Variants in CCDC120 observed in about 807,000 individuals in gnomAD.
The protein encoded by CCDC120 is coiled-coil domain-containing protein 120.
A neutral mutation model predicts 37.6 loss-of-function variants in CCDC120; 16 were observed. The ratio of observed to expected loss-of-function variants is 0.43; its 90% confidence interval spans 0.29 to 0.65. The LOEUF is 0.65. Among genes scored for constraint, CCDC120 ranks in the 30% least tolerant of loss-of-function variants. The pLI is 0.18. For missense variants in CCDC120, 650 were observed against 657.4 expected, an observed-to-expected ratio of 0.99 and a Z score of 0.12; for synonymous variants, 309 against 275.4, an observed-to-expected ratio of 1.12 and a Z score of -1.21.
rs1557081983 is a variant in CCDC120, at chrX:49,067,870, C to G, written c.1756C>G (p.His586Asp). 8.5e-7 allele frequency: 1 copy of G among 1,170,134 alleles called. No homozygotes were observed. The highest frequency in any genetic ancestry group is 3.2e-5 in the East Asian group (1 of 31,115). The change falls in exon 10 of 11, where the codon CAC becomes GAC. Residue 586 changes from histidine to aspartate, a missense_variant. His to Asp is a moderately conservative substitution (Grantham distance 81, BLOSUM62 -1). This residue lies in a region of CCDC120 where 576 missense variants were observed against 565.3 expected (regional missense o/e 1.02). Transcript: ENST00000603986. ...CCCCTCGGCTGGTGAACGCAGTGGC[C>G]ACAAGAACCTGGCTCTGGAGGGGCT... ...RIPSAGERSG[H>D]KNLALEGLRD...
chrX:49,057,664 T>C (rs1331475887), upstream of CCDC120, among the ~76,000 whole-genome samples: 7 of 112,576 alleles, frequency 6.2e-5, no homozygotes, highest in Non-Finnish European at 1.3e-4. Context: ...TCTGGGGCAT[T>C]GCTGATTCAG....
chrX:49,064,649 G>A lies in CCDC120; in HGVS notation c.709G>A (p.Ala237Thr), dbSNP rs782329125. ...GGGAGTCTGCCTGGGCATGCGTCTT[G>A]CTCAGCTCAGCCAAGGTGAGCATCC... Reference protein sequence around the residue: ...TQGVCLGMRLAQLSQEDVVLH... With the variant: ...TQGVCLGMRLTQLSQEDVVLH... The change falls in exon 6 of 11, where the codon GCT becomes ACT. Residue 237 changes from alanine (A) to threonine (T), a missense_variant. Around this residue, in one of 3 missense-constraint regions of CCDC120, gnomAD observed 576 missense variants for 565.3 expected, o/e 1.02. Transcript: ENST00000603986. 8.5e-7 allele frequency: 1 copy of A among 1,183,213 alleles called. No individual in the cohort carries two copies. The highest frequency in any genetic ancestry group is 2.3e-5 in the Admixed American group (1 of 43,334).
chrX:49,061,869 T>C (rs1557079495), intron 1 of CCDC120, 90 bp from the exon 2 acceptor site: 2 of 898,122 alleles, frequency 2.2e-6, no homozygotes, highest in African/African-American at 2.0e-5. Flanking sequence ...TGTGGCATCA[T>C]AGGTAACTGT....
upstream of CCDC120, among the ~76,000 whole-genome samples, chrX:49,057,915 C>T (rs146405987): frequency 0.051 from 5,695 of 111,128 alleles, 156 homozygotes; most frequent in Non-Finnish European, 0.08. Context: ...GACAGTACGT[C>T]GTAAGGACTC....
Position 49,064,400 on chromosome X carries a change from G to A in CCDC120, c.460G>A (p.Val154Met), listed in dbSNP as rs782719151. 4 of 1,174,209 alleles carry A rather than the reference G, an allele frequency of 3.4e-6. No individual in the cohort carries two copies. The highest frequency in any genetic ancestry group is 4.6e-6 in the Non-Finnish European group (4 of 877,629). The change falls in exon 6 of 11, where the codon GTG becomes ATG. Residue 154 changes from valine to methionine, a missense_variant. By Grantham distance (21) the Val-to-Met change is conservative. This residue lies in a region of CCDC120 where 576 missense variants were observed against 565.3 expected (regional missense o/e 1.02). Transcript: ENST00000603986. ...GGCTCTTGAGGCCCTGGAACGCGAG[G>A]TGTCAGTGCAACAGCAGATCGCGGC... ...ELALEALEREVSVQQQIAAAA... is the reference protein window; with the variant it reads ...ELALEALEREMSVQQQIAAAA...
upstream of CCDC120, among the ~76,000 whole-genome samples, chrX:49,058,189 G>C (rs1325198469): frequency 8.9e-6 from 1 of 111,881 alleles, no homozygotes. Context: ...GGCTGGGTCT[G>C]TGCCATCCTG....
intron 9 of CCDC120, chrX:49,066,892 C>T (rs1557081327): frequency 1.2e-5 from 4 of 328,268 alleles, no homozygotes; most frequent in Non-Finnish European, 2.1e-5. Flanking sequence ...ATCTACTCTG[C>T]TAGCCTTTCC....
At chrX:49,061,297 A>T (rs1191261167) in intron 1 of CCDC120, among the ~76,000 whole-genome samples, 3 of 112,106 alleles carry the variant, frequency 2.7e-5, no homozygotes, top group Non-Finnish European at 5.6e-5. Context: ...TCCTTGCTAC[A>T]CTAGAGCTAC....
rs1316671521 is a variant in CCDC120, at chrX:49,069,102, C to A, written c.*444C>A. The A allele has an allele frequency of 9.9e-6, 1 of 100,634 alleles. No individual in the cohort carries two copies. The highest frequency in any genetic ancestry group is 2.0e-5 in the Non-Finnish European group (1 of 48,840). 8.3% of individuals were successfully genotyped at this position (100,634 alleles called of 1,213,427 possible). On this transcript the variant is annotated 3_prime_UTR_variant, in exon 11 of 11. Transcript: ENST00000603986. ...TATCGGGTCTCAGGGCCATTTAGGG[C>A]AGCCAGGAGACTCCGGTGTGAACAG... is the stretch of plus-strand genomic sequence containing the variant.
Position 49,062,032 on chromosome X carries a change from C to A in CCDC120, c.-10C>A. The A allele has an allele frequency of 8.6e-7, 1 of 1,156,316 alleles. No individual in the cohort carries two copies. The highest frequency in any genetic ancestry group is 1.1e-6 in the Non-Finnish European group (1 of 872,791). ...TCCGCCCAGCTCCCCACTTGCTGTGCTCTCACTCAATGCGAAGGGAACCAA... is the reference window on the plus strand; with the variant it reads ...TCCGCCCAGCTCCCCACTTGCTGTGATCTCACTCAATGCGAAGGGAACCAA... On this transcript the variant is annotated 5_prime_UTR_variant, in exon 2 of 11. Coordinates refer to ENST00000603986, the MANE Select transcript of CCDC120 (RefSeq NM_001163321.4).
chrX:49,054,427 A>G (rs1470336519), upstream of CCDC120, among the ~76,000 whole-genome samples: 1 of 109,862 alleles, frequency 9.1e-6, no homozygotes, highest in African/African-American at 3.3e-5. Context: ...ATCCTCTCCT[A>G]TATACTCGTG....
At chrX:49,055,195 G>A (rs782177097), upstream of CCDC120, among the ~76,000 whole-genome samples, 4 of 112,753 alleles carry the variant, frequency 3.5e-5, no homozygotes, top group African/African-American at 1.3e-4. Context: ...CCCTCTGCAA[G>A]TGTGAAAGAA....
rs782746698 is a variant in CCDC120, at chrX:49,062,616, C to A, written c.288+15C>A. 1 of 1,202,431 alleles carries A rather than the reference C, an allele frequency of 8.3e-7. No homozygotes were observed. The highest frequency in any genetic ancestry group is 1.1e-6 in the Non-Finnish European group (1 of 891,599). ...TCCAGGAGGCGGTGAGGGCCTGGCC[C>A]TAGGGGTATCAGGCGGGGAGGTTGG... On this transcript the variant is annotated intron_variant, in intron 4 of 10. Transcript: ENST00000603986.
intron 1 of CCDC120, among the ~76,000 whole-genome samples, chrX:49,059,745 C>T (rs782426158): frequency 9.0e-6 from 1 of 111,349 alleles, no homozygotes; most frequent in African/African-American, 3.3e-5. Context: ...GCCGGGCCCG[C>T]CTCTGGGTGT....
Position 49,067,605 on chromosome X carries a change from G to A in CCDC120, c.1491G>A (p.Trp497Ter). ...CCCGCAGTGGCGGTGGAACAGGCTG[G>A]GGGGAGCTGCCGCCTGCAGCTGAGG... Reference protein sequence around the residue: ...GLPRSGGGTGWGELPPAAEVP... With the variant: ...GLPRSGGGTG The change falls in exon 10 of 11, where the codon TGG (tryptophan) becomes TGA (stop). Residue 497 changes from tryptophan (W) to a stop codon, truncating the protein, a stop_gained. Transcript: ENST00000603986. LOFTEE classifies it high-confidence loss of function. 8.4e-7 allele frequency: 1 copy of A among 1,185,446 alleles called. No individual in the cohort carries two copies.
intron 10 of CCDC120, chrX:49,068,304 T>G: frequency 3.7e-6 from 4 of 1,077,117 alleles, no homozygotes; most frequent in Non-Finnish European, 4.8e-6. Context: ...AGCAATTCTT[T>G]ATCAAGTTAT....
chrX:49,062,132 G>A, intron 2 of CCDC120, 28 bp downstream of exon 2: 1 of 1,162,132 alleles, frequency 8.6e-7, no homozygotes, highest in Non-Finnish European at 1.1e-6. Flanking sequence ...GTGGGGCCCA[G>A]GTTACCCCTT....
chrX:49,064,901 AT>A lies in CCDC120; in HGVS notation c.725-133del, dbSNP rs2064934331. 9 of 738,182 alleles carry A rather than the reference AT, an allele frequency of 1.2e-5. No individual in the cohort carries two copies. In the South Asian group the frequency reaches 2.3e-4, roughly 19 times the overall value. The allele number at this position is 738,182 out of a possible 1,213,427, so 60.8% of individuals were successfully genotyped here. ...TGGTCTTGGGCTCTGGTAAAAGCAG[AT>A]TCTTGGGACAGGAACAGGATGAGGC... is the stretch of plus-strand genomic sequence containing the variant. On this transcript the variant is annotated intron_variant, in intron 6 of 10. Coordinates refer to ENST00000603986, the MANE Select transcript of CCDC120 (RefSeq NM_001163321.4).
intron 7 of CCDC120, 129 bp downstream of exon 7, chrX:49,065,227 A>G: frequency 1.3e-6 from 1 of 752,866 alleles, no homozygotes; most frequent in Non-Finnish European, 2.0e-6. Flanking sequence ...GTGCTGCTTC[A>G]GCTTCTCCTT....
Sources: allele counts gnomAD v4.1 joint callset (sites outside exome capture counted in the v4.1 genomes callset), GRCh38; gene constraint gnomAD v4.1.1; regional missense constraint gnomAD v4.1.1; transcripts MANE v1.5; gene names NCBI Gene and HGNC (gene_info 2026-07-23, HGNC 2026-07-21).